The following ABCB9 variants were observed in gnomAD, a reference collection of about 807,000 sequenced individuals.
ABCB9 encodes the protein ABC-type oligopeptide transporter ABCB9.
ABCB9 carries 36 observed loss-of-function variants against 62.0 expected under a neutral mutation model. The ratio of observed to expected loss-of-function variants is 0.58; its 90% CI spans 0.45 to 0.77. The LOEUF (loss-of-function observed/expected upper bound fraction) is 0.77. Ranked by LOEUF, ABCB9 falls within the 30% of genes least tolerant of loss-of-function variation. The pLI, the probability that ABCB9 is intolerant of heterozygous loss-of-function variation, is 0.00. For synonymous variants in ABCB9, 435 were observed against 461.4 expected (o/e 0.94, Z 0.73); for missense variants, 943 against 1,054.7 (o/e 0.89, Z 1.47).
rs2035665988 is a variant in ABCB9 at position 122,940,095 on chromosome 12, A to G, written c.1743+16T>C. Reference sequence around the variant, plus strand: ...CAGAAAGGGCGGAGAAGTGTGGCCCAGGCCCGTGCACATACCACACGGTGC... The same window carrying G: ...CAGAAAGGGCGGAGAAGTGTGGCCCGGGCCCGTGCACATACCACACGGTGC... On this transcript the variant is annotated intron_variant, in intron 9 of 11. Coordinates refer to ENST00000280560, the MANE Select transcript of ABCB9 (RefSeq NM_019625.4). The surrounding 1 kb of genome is among the most constrained non-coding windows in gnomAD (Gnocchi z 4.8). The G allele has an allele frequency of 6.2e-7, 1 of 1,603,776 alleles. No homozygotes were observed. Among genetic ancestry groups the G allele is most frequent in the Non-Finnish European group, 8.5e-7 (1 of 1,175,250 alleles).
chr12:122,949,813 T>C lies in ABCB9; in HGVS notation c.822A>G (p.Thr274=). 6.2e-7 allele frequency: 1 copy of C among 1,614,208 alleles called. No homozygotes were observed. The highest frequency in any genetic ancestry group is 8.5e-7 in the Non-Finnish European group (1 of 1,180,010). ...CLFRSLVSQE[T]SFFDENRTGD... is the part of the protein sequence containing the mutation. ...CTGTGCGGTTCTCATCAAAGAAGCT[T>C]GTCTCCTGGGACACCAGTGAGCGGA... Residue 274 remains threonine, a synonymous_variant, in exon 4 of 12, where the codon ACA becomes ACG. Transcript: ENST00000280560.
chr12:122,927,178 CTTTT>C (rs879257017), downstream of ABCB9, among the ~76,000 whole-genome samples: 1 of 146,136 alleles, frequency 6.8e-6, no homozygotes, highest in African/African-American at 2.5e-5. Context: ...CAAAATTAAA[CTTTT>C]TTTTTTTTTG....
At chr12:122,969,956 G>GT (rs1291876691), upstream of ABCB9, among the ~76,000 whole-genome samples, 5 of 152,044 alleles carry the variant, frequency 3.3e-5, no homozygotes, top group Non-Finnish European at 7.4e-5. Context: ...AGTTCGGCAG[G>GT]TTTTTTTATA....
At chr12:122,960,497 G>A (rs564215227) in intron 1 of ABCB9, among the ~76,000 whole-genome samples, 175 bp from the exon 2 acceptor site, 46 of 152,300 alleles carry the variant, frequency 3.0e-4, no homozygotes, top group Middle Eastern at 6.8e-3. Flanking sequence ...CTTACTGAGT[G>A]CCCACTGCGG....
At chr12:122,973,833 C>CA (rs2037330408) in intron 1 of ABCB9, among the ~76,000 whole-genome samples, 1 of 152,078 alleles carries the variant, frequency 6.6e-6, no homozygotes, top group African/African-American at 2.4e-5. Flanking sequence ...TGCACTCCAG[C>CA]CTGGGCGACA....
intron 1 of ABCB9, among the ~76,000 whole-genome samples, chr12:122,961,314 A>G (rs1053395456): frequency 6.6e-6 from 1 of 152,058 alleles, no homozygotes; most frequent in African/African-American, 2.4e-5. Context: ...CAGCCCCCCA[A>G]GTAGCTGGGA....
intron 6 of ABCB9, among the ~76,000 whole-genome samples, chr12:122,945,460 C>T (rs2035982915): frequency 1.3e-5 from 2 of 152,046 alleles, no homozygotes; most frequent in South Asian, 2.1e-4. Context: ...GAGACCTGCC[C>T]GAAAGTGGCC....
Position 122,942,632 on chromosome 12 carries a change from A to C in ABCB9, c.1381-1637T>G, listed in dbSNP as rs192927218. 3.3e-5 allele frequency among the ~76,000 whole-genome samples: 5 copies of C among 151,458 alleles called. No individual in the cohort carries two copies. In the East Asian group the frequency reaches 5.8e-4, roughly 18 times the overall value. Reference sequence around the variant, plus strand: ...AGACTCCATCTCAAAAAAAAAAAAAAAAAAAACCTAAAAAGAAAAACATTA... The same window carrying C: ...AGACTCCATCTCAAAAAAAAAAAAACAAAAAACCTAAAAAGAAAAACATTA... On this transcript the variant is annotated intron_variant, in intron 7 of 11. Transcript: ENST00000280560.
chr12:122,950,696 C>A, intron 2 of ABCB9, 131 bp from the exon 3 acceptor site: 1 of 724,352 alleles, frequency 1.4e-6, no homozygotes, highest in Non-Finnish European at 2.3e-6. Flanking sequence ...CCTCGGCAAA[C>A]TCTTGCTGCC....
chr12:122,944,335 C>T lies in ABCB9; in HGVS notation c.1380+56G>A, dbSNP rs1241644065. 2.6e-6 allele frequency: 4 copies of T among 1,546,186 alleles called. No individual in the cohort carries two copies. In the African/African-American group the frequency reaches 4.1e-5, roughly 16 times the overall value. On this transcript the variant is annotated intron_variant, in intron 7 of 11. Transcript: ENST00000280560. This position sits in a 1 kb window ranked among gnomAD's most constrained non-coding sequence, Gnocchi z 4.9. ...GCCCCGCCCCCACCCTGTTAAGATCCCTCTTCCCCAAACTCCTCCCTTCTC... is the reference window on the plus strand; with the variant it reads ...GCCCCGCCCCCACCCTGTTAAGATCTCTCTTCCCCAAACTCCTCCCTTCTC...
At chr12:122,935,232 C>A (rs778404765) in intron 10 of ABCB9, 40 bp downstream of exon 10, 1 of 1,561,832 alleles carries the variant, frequency 6.4e-7, no homozygotes, top group Non-Finnish European at 8.7e-7. Context: ...CTGAGGGTGA[C>A]CCTGTGGGCC....
chr12:122,918,615 C>T (rs760944680), downstream of ABCB9, among the ~76,000 whole-genome samples: 4 of 151,788 alleles, frequency 2.6e-5, no homozygotes, highest in East Asian at 1.9e-4. Flanking sequence ...CAGGCCACCA[C>T]GCACGACTAA....
upstream of ABCB9, among the ~76,000 whole-genome samples, chr12:122,968,290 C>T (rs949549119): frequency 6.6e-6 from 1 of 152,160 alleles, no homozygotes; most frequent in Admixed American, 6.5e-5. Context: ...GCTGTGTGAC[C>T]TTAAAGAGGT....
intron 1 of ABCB9, among the ~76,000 whole-genome samples, chr12:122,961,914 T>C (rs954740658): frequency 5.9e-5 from 9 of 152,262 alleles, no homozygotes; most frequent in Non-Finnish European, 7.3e-5. Flanking sequence ...AATAAATGTT[T>C]GTCCACTTTT....
chr12:122,929,284 C>T lies in ABCB9; in HGVS notation c.*627G>A, dbSNP rs1252895662. 8.1e-6 allele frequency: 8 copies of T among 985,944 alleles called. No individual in the cohort carries two copies. Among genetic ancestry groups the T allele is most frequent in the African/African-American group, 3.5e-5 (2 of 57,260 alleles). 61.1% of individuals were successfully genotyped at this position (985,944 alleles called of 1,614,324 possible). On this transcript the variant is annotated 3_prime_UTR_variant, in exon 12 of 12. Coordinates refer to ENST00000280560, the MANE Select transcript of ABCB9 (RefSeq NM_019625.4). The surrounding 1 kb of genome is among the most constrained non-coding windows in gnomAD (Gnocchi z 6.0). ...CCCCTCACTCCCCCAGTTGAGGTTTCGTGTGGTTCACAGTGAGACTGGCTT... is the reference window on the plus strand; with the variant it reads ...CCCCTCACTCCCCCAGTTGAGGTTTTGTGTGGTTCACAGTGAGACTGGCTT...
At chr12:122,948,091 C>G (rs983793886) in intron 5 of ABCB9, 1 of 152,596 alleles carries the variant, frequency 6.6e-6, no homozygotes, top group African/African-American at 2.4e-5. Flanking sequence ...CGCCACCAAG[C>G]CCAGCTAACT....
downstream of ABCB9, chr12:122,924,446 C>A (rs1048965870): frequency 2.2e-5 from 8 of 363,954 alleles, no homozygotes; most frequent in African/African-American, 1.5e-4. Flanking sequence ...CCCATGGCAG[C>A]CTCAAACTCG....
At chr12:122,960,350 C>A in intron 1 of ABCB9, 28 bp from the exon 2 acceptor site, 1 of 1,412,810 alleles carries the variant, frequency 7.1e-7, no homozygotes, top group Admixed American at 2.6e-5. Flanking sequence ...AACATCAGCA[C>A]AAGGGGTTCA....
Position 122,961,268 on chromosome 12 carries a change from A to G in ABCB9, c.-87-946T>C, listed in dbSNP as rs909179842. On this transcript the variant is annotated intron_variant, in intron 1 of 11. Transcript: ENST00000280560. ...AGTGGTGCGATCCCGGCTCACCGCA[A>G]CCTCCGTCTCCCTGGTTCAAGCGAT... Among the ~76,000 whole-genome samples, 5 of 151,776 alleles carry G rather than the reference A, an allele frequency of 3.3e-5. No individual in the cohort carries two copies. The East Asian group carries it at 9.6e-4, about 29-fold the overall frequency.
Sources: gnomAD v4.1 joint callset for allele counts (sites outside exome capture counted in the v4.1 genomes callset) on GRCh38, gnomAD v4.1.1 for gene constraint, Gnocchi (gnomAD v3.1) non-coding constraint, MANE v1.5 for transcripts, NCBI Gene and HGNC (gene_info 2026-07-23, HGNC 2026-07-21) for gene names.